JAZF1: variants seen among roughly 807,000 people sequenced by gnomAD.
JAZF1 encodes juxtaposed with another zinc finger protein 1.
In JAZF1, 8 loss-of-function variants were observed where a neutral mutation model predicts 26.4. The ratio of observed to expected loss-of-function variants is 0.30; its 90% CI spans 0.18 to 0.55. JAZF1 has a LOEUF of 0.55. Among genes scored for constraint, JAZF1 ranks in the 20% least tolerant of loss-of-function variants. The pLI is 0.94. For synonymous variants in JAZF1, 126 were observed against 122.3 expected (o/e 1.03, Z -0.20); for missense variants, 199 against 322.0 (o/e 0.62, Z 2.92).
intron 1 of JAZF1, among the ~76,000 whole-genome samples, chr7:28,081,396 G>A (rs544738835): frequency 3.9e-5 from 6 of 152,320 alleles, no homozygotes; most frequent in Admixed American, 6.5e-5. Context: ...GGGAGCAAGA[G>A]GGAGAGCATC....
chr7:27,992,052 G>A (rs1157910772), intron 1 of JAZF1, 71 bp from the exon 2 acceptor site: 4 of 883,338 alleles, frequency 4.5e-6, no homozygotes, highest in Non-Finnish European at 7.8e-6. Flanking sequence ...CTAACACAAA[G>A]TAACAGAGGC....
chr7:28,029,587 A>G (rs1419279159), intron 1 of JAZF1, among the ~76,000 whole-genome samples: 6 of 152,256 alleles, frequency 3.9e-5, no homozygotes, highest in African/African-American at 1.4e-4. Flanking sequence ...GAAAGGCTAC[A>G]TGGGAAAATC....
At chr7:27,898,402 T>G (rs1360167837) in intron 2 of JAZF1, among the ~76,000 whole-genome samples, 1 of 148,000 alleles carries the variant, frequency 6.8e-6, no homozygotes, top group African/African-American at 2.5e-5. Context: ...TGCCTCCTGG[T>G]TCAAGCAATT....
intron 1 of JAZF1, among the ~76,000 whole-genome samples, chr7:28,163,338 C>A (rs532185098): frequency 6.6e-6 from 1 of 152,304 alleles, no homozygotes; most frequent in African/African-American, 2.4e-5. Flanking sequence ...AAAAGAGGTT[C>A]CCAACTGGCT....
intron 1 of JAZF1, among the ~76,000 whole-genome samples, chr7:28,000,241 C>T (rs562471601): frequency 6.6e-6 from 1 of 151,996 alleles, no homozygotes; most frequent in East Asian, 1.9e-4. Context: ...CCCCGACCCC[C>T]CATCCACACC....
chr7:27,969,342 C>T (rs1382723432), intron 2 of JAZF1, among the ~76,000 whole-genome samples: 3 of 151,992 alleles, frequency 2.0e-5, no homozygotes, highest in South Asian at 2.1e-4. Context: ...GATTGTATGC[C>T]GGCCCTACCA....
chr7:28,167,638 T>G (rs1783389881), intron 1 of JAZF1, among the ~76,000 whole-genome samples: 2 of 152,212 alleles, frequency 1.3e-5, no homozygotes. Context: ...TCAATTCACC[T>G]GCAAAAGGGT....
chr7:28,171,407 T>C (rs935949192), intron 1 of JAZF1, among the ~76,000 whole-genome samples: 2 of 152,228 alleles, frequency 1.3e-5, no homozygotes, highest in Non-Finnish European at 2.9e-5. Context: ...TAATTTATTT[T>C]TTTCACAGCC....
At chr7:28,148,906 C>T (rs991279851) in intron 1 of JAZF1, among the ~76,000 whole-genome samples, 1 of 152,176 alleles carries the variant, frequency 6.6e-6, no homozygotes, top group Non-Finnish European at 1.5e-5. Context: ...TTGCGGTTTA[C>T]GCAGTCAGAA....
intron 1 of JAZF1, among the ~76,000 whole-genome samples, chr7:28,004,998 C>T (rs1344682462): frequency 6.6e-6 from 1 of 152,152 alleles, no homozygotes; most frequent in Admixed American, 6.5e-5. Context: ...TTTATTTCCA[C>T]CCCTTTCACT....
chr7:27,940,979 G>A (rs559921013), intron 2 of JAZF1, among the ~76,000 whole-genome samples: 142 of 152,110 alleles, frequency 9.3e-4, no homozygotes, highest in Non-Finnish European at 1.7e-3. Context: ...ATGTTTTAAT[G>A]GTAGGTGTTT....
intron 1 of JAZF1, among the ~76,000 whole-genome samples, chr7:28,144,359 C>A (rs565063675): frequency 6.6e-6 from 1 of 152,184 alleles, no homozygotes; most frequent in Non-Finnish European, 1.5e-5. Context: ...CACACTGCAT[C>A]GAAAGAGAAA....
intron 2 of JAZF1, among the ~76,000 whole-genome samples, chr7:27,912,860 G>C (rs1443320050): frequency 6.6e-6 from 1 of 152,074 alleles, no homozygotes; most frequent in African/African-American, 2.4e-5. Context: ...GAAAAGACTG[G>C]AGACGGCCAA....
At chr7:28,142,024 T>C (rs1290947331) in intron 1 of JAZF1, among the ~76,000 whole-genome samples, 1 of 152,182 alleles carries the variant, frequency 6.6e-6, no homozygotes, top group Non-Finnish European at 1.5e-5. Context: ...TTAGAAACAA[T>C]GAGGCAGTTC....
intron 1 of JAZF1, among the ~76,000 whole-genome samples, chr7:28,123,860 A>G (rs1372103316): frequency 6.6e-6 from 1 of 152,208 alleles, no homozygotes; most frequent in Admixed American, 6.5e-5. Flanking sequence ...GGCAGGTAAT[A>G]TTACTGTTTC....
At chr7:28,003,119 T>C (rs1782633151) in intron 1 of JAZF1, among the ~76,000 whole-genome samples, 1 of 152,104 alleles carries the variant, frequency 6.6e-6, no homozygotes, top group Non-Finnish European at 1.5e-5. Context: ...AACCAAAACT[T>C]GACTGAAATA....
intron 1 of JAZF1, among the ~76,000 whole-genome samples, chr7:28,063,056 A>G (rs947918978): frequency 2.0e-5 from 3 of 152,244 alleles, no homozygotes; most frequent in Non-Finnish European, 4.4e-5. Context: ...TTCTTTGCTT[A>G]TATCATATGA....
chr7:28,099,304 A>T (rs1156234219), intron 1 of JAZF1, among the ~76,000 whole-genome samples: 1 of 152,220 alleles, frequency 6.6e-6, no homozygotes, highest in East Asian at 1.9e-4. Context: ...TGACTAAAAA[A>T]AATTCTATGA....
intron 2 of JAZF1, among the ~76,000 whole-genome samples, chr7:27,971,852 T>C (rs1017196126): frequency 2.0e-5 from 3 of 152,216 alleles, no homozygotes; most frequent in African/African-American, 7.2e-5. Flanking sequence ...TGCAAAGTAC[T>C]TGCTATACAA....
Sources: gnomAD v4.1 joint callset for allele counts (sites outside exome capture counted in the v4.1 genomes callset) on GRCh38, gnomAD v4.1.1 for gene constraint, MANE v1.5 for transcripts, NCBI Gene and HGNC (gene_info 2026-07-23, HGNC 2026-07-21) for gene names.